NCAM2: variants seen among roughly 807,000 people sequenced by gnomAD.
NCAM2 encodes N-CAM-2.
Under a neutral mutation model 98.1 loss-of-function variants are expected in NCAM2, and 30 were observed. The ratio of observed to expected loss-of-function variants is 0.31; its 90% confidence interval spans 0.23 to 0.41. The LOEUF is 0.41. NCAM2 is among the 10% of genes least tolerant of loss of function. NCAM2 has a pLI of 1.00. For missense variants in NCAM2, 867 were observed against 1,005.8 expected, an observed-to-expected ratio of 0.86 and a Z score of 1.87; for synonymous variants, 368 against 342.4, an observed-to-expected ratio of 1.07 and a Z score of -0.83.
chr21:21,476,199 G>A (rs187781254), intron 14 of NCAM2, among the ~76,000 whole-genome samples: 24 of 152,200 alleles, frequency 1.6e-4, no homozygotes, highest in Admixed American at 7.2e-4. Context: ...TAGACAGGCT[G>A]TAATTTATTT....
At chr21:21,134,170 G>T (rs573494393) in intron 1 of NCAM2, among the ~76,000 whole-genome samples, 1 of 151,908 alleles carries the variant, frequency 6.6e-6, no homozygotes, top group African/African-American at 2.4e-5. Flanking sequence ...CCGGGTCCAG[G>T]AGATTCTCCT....
chr21:21,080,629 C>CTTCCTAAG (rs1804890861), intron 1 of NCAM2, among the ~76,000 whole-genome samples: 1 of 69,856 alleles, frequency 1.4e-5, no homozygotes, highest in South Asian at 5.7e-4. Context: ...AAAAAAAAGA[C>CTTCCTAAG]TTCCTAAGTT....
At chr21:21,398,837 C>T (rs1036177913) in intron 9 of NCAM2, among the ~76,000 whole-genome samples, 1 of 151,960 alleles carries the variant, frequency 6.6e-6, no homozygotes, top group Non-Finnish European at 1.5e-5. Context: ...AAATTGACAC[C>T]CTATTATAAC....
At chr21:21,194,221 A>G (rs2068926186) in intron 1 of NCAM2, among the ~76,000 whole-genome samples, 1 of 152,144 alleles carries the variant, frequency 6.6e-6, no homozygotes, top group Non-Finnish European at 1.5e-5. Context: ...TGTAATTGCA[A>G]TTAGTATATG....
In NCAM2 at chr21:21,508,846, T is replaced by TTTTTTTTA; in HGVS notation, c.2078-4_2078-3insTTTTTTAT. ...TTTTTTTTTTTTTTTTTTTTACTTT[T>TTTTTTTTA]TAAGACACGCTGTTTAATGGTCTTG... is the stretch of plus-strand genomic sequence containing the variant. On this transcript the variant is annotated splice_polypyrimidine_tract_variant and splice_region_variant and intron_variant, in intron 15 of 17. Coordinates refer to ENST00000400546, the MANE Select transcript of NCAM2 (RefSeq NM_004540.5). 1 of 1,153,934 alleles carries TTTTTTTTA rather than the reference T, an allele frequency of 8.7e-7. No homozygotes were observed. Among genetic ancestry groups the TTTTTTTTA allele is most frequent in the Non-Finnish European group, 1.2e-6 (1 of 836,878 alleles). 71.5% of individuals were successfully genotyped at this position (1,153,934 alleles called of 1,614,324 possible). A position where few individuals can be genotyped will look rare whatever the true frequency, so the allele number is the denominator to read the frequency against.
At position 21,282,500 on chromosome 21, in the gene NCAM2, G is replaced by A. The variant is rs1427743743; in HGVS notation, c.131-1694G>A. ...AGTCTTATTTATATTAAATATAGTAGTAAAACAAGATTCTAAAAATAAAGA... is the reference window on the plus strand; with the variant it reads ...AGTCTTATTTATATTAAATATAGTAATAAAACAAGATTCTAAAAATAAAGA... On this transcript the variant is annotated intron_variant, in intron 2 of 17. Transcript: ENST00000400546. Among the ~76,000 whole-genome samples, 4 of 151,500 alleles carry A rather than the reference G, an allele frequency of 2.6e-5. No individual in the cohort carries two copies. The East Asian group carries it at 7.7e-4, about 29-fold the overall frequency.
intron 5 of NCAM2, among the ~76,000 whole-genome samples, chr21:21,320,345 A>G (rs1413290790): frequency 6.6e-6 from 1 of 152,072 alleles, no homozygotes; most frequent in Non-Finnish European, 1.5e-5. Context: ...TTTTTTCCAA[A>G]CGAAATTATA....
At chr21:21,319,109 C>G (rs75166761) in intron 5 of NCAM2, among the ~76,000 whole-genome samples, 1 of 151,582 alleles carries the variant, frequency 6.6e-6, no homozygotes, top group African/African-American at 2.4e-5. Flanking sequence ...AGAGGGAGAC[C>G]CTGTATCAAA....
chr21:21,541,027 T>G lies in NCAM2; in HGVS notation c.*3070T>G, dbSNP rs1003903395. ...TTCTTTTATTTTTAATATTAATAAC[T>G]ATAAAAGCATTTTTCAAAGGCTATT... On this transcript the variant is annotated 3_prime_UTR_variant, in exon 18 of 18. Transcript: ENST00000400546. 1 of 151,806 alleles carries G rather than the reference T, an allele frequency of 6.6e-6. No homozygotes were observed. Among genetic ancestry groups the G allele is most frequent in the African/African-American group, 2.4e-5 (1 of 41,424 alleles). 9.4% of individuals were successfully genotyped at this position (151,806 alleles called of 1,614,324 possible). A position where few individuals can be genotyped will look rare whatever the true frequency, so the allele number is the denominator to read the frequency against.
intron 1 of NCAM2, among the ~76,000 whole-genome samples, chr21:21,074,411 A>G (rs1336179748): frequency 1.3e-5 from 2 of 152,088 alleles, no homozygotes; most frequent in Non-Finnish European, 2.9e-5. Context: ...ATTAATTTAC[A>G]TTTATTTTAC....
At chr21:21,307,695 T>C (rs2073928117) in intron 5 of NCAM2, among the ~76,000 whole-genome samples, 2 of 152,268 alleles carry the variant, frequency 1.3e-5, no homozygotes, top group South Asian at 4.1e-4. Flanking sequence ...GCCTTTACCT[T>C]TGAGCAATTC....
chr21:21,030,370 G>C (rs2064653502), intron 1 of NCAM2, among the ~76,000 whole-genome samples: 1 of 152,168 alleles, frequency 6.6e-6, no homozygotes, highest in African/African-American at 2.4e-5. Flanking sequence ...AAATTACCAT[G>C]AACTTAGAGG....
intron 15 of NCAM2, among the ~76,000 whole-genome samples, chr21:21,495,712 C>G (rs1416950089): frequency 6.6e-6 from 1 of 152,004 alleles, no homozygotes; most frequent in Non-Finnish European, 1.5e-5. Context: ...GAATCACACA[C>G]AGTTTCATAC....
intron 1 of NCAM2, among the ~76,000 whole-genome samples, chr21:21,058,947 C>T (rs56066729): frequency 0.12 from 18,205 of 151,980 alleles, 1,682 homozygotes; most frequent in African/African-American, 0.26. Context: ...CATCAGTTTC[C>T]AATAGCTACT....
chr21:21,157,771 A>T (rs1229770333), intron 1 of NCAM2, among the ~76,000 whole-genome samples: 2 of 152,108 alleles, frequency 1.3e-5, no homozygotes, highest in African/African-American at 4.8e-5. Context: ...GGTGAAGTTT[A>T]AAAGGATTCA....
At chr21:21,070,024 A>T (rs1334883185) in intron 1 of NCAM2, among the ~76,000 whole-genome samples, 1 of 152,210 alleles carries the variant, frequency 6.6e-6, no homozygotes, top group East Asian at 1.9e-4. Context: ...ATGTGTATGC[A>T]TGCACGCTGA....
At chr21:21,162,492 T>C (rs543254060) in intron 1 of NCAM2, among the ~76,000 whole-genome samples, 8 of 152,264 alleles carry the variant, frequency 5.3e-5, no homozygotes, top group African/African-American at 1.7e-4. Flanking sequence ...ATTACTAGCA[T>C]AAAATATATA....
chr21:20,999,848 G>A (rs1239761599), intron 1 of NCAM2, among the ~76,000 whole-genome samples: 1 of 152,166 alleles, frequency 6.6e-6, no homozygotes, highest in Admixed American at 6.5e-5. Context: ...AGCAGGGCTT[G>A]ACATTTTGGA....
chr21:21,430,818 T>C (rs987799433), intron 11 of NCAM2, among the ~76,000 whole-genome samples: 1 of 151,836 alleles, frequency 6.6e-6, no homozygotes, highest in African/African-American at 2.4e-5. Flanking sequence ...GAGGCCAAGG[T>C]GGGCAGATCA....
Sources: gnomAD v4.1 joint callset for allele counts (sites outside exome capture counted in the v4.1 genomes callset) on GRCh38, gnomAD v4.1.1 for gene constraint, MANE v1.5 for transcripts, NCBI Gene and HGNC (gene_info 2026-07-23, HGNC 2026-07-21) for gene names.